Variants in PIK3CD observed in about 807,000 individuals in gnomAD.
PIK3CD encodes the protein phosphatidylinositol-4,5-bisphosphate 3-kinase catalytic subunit delta.
PIK3CD carries 20 observed loss-of-function variants against 122.9 expected under a neutral mutation model. The ratio of observed to expected loss-of-function variants is 0.16; its 90% confidence interval spans 0.11 to 0.24. The LOEUF is 0.24. Ranked by LOEUF, PIK3CD falls within the 10% of genes least tolerant of loss-of-function variation. PIK3CD has a pLI of 1.00. For synonymous variants in PIK3CD, 596 were observed against 593.4 expected (o/e 1.00, Z -0.06); for missense variants, 787 against 1,406.3 (o/e 0.56, Z 7.04).
rs1031495287 is a variant in PIK3CD at position 9,718,634 on chromosome 1, G to C, written c.1021-60G>C. 41 of 1,472,630 alleles carry C rather than the reference G, an allele frequency of 2.8e-5. No homozygotes were observed. The highest frequency in any genetic ancestry group is 1.7e-4 in the South Asian group (15 of 88,304). The allele number at this position is 1,472,630 out of a possible 1,614,324, so 91.2% of individuals were successfully genotyped here. On this transcript the variant is annotated intron_variant, in intron 8 of 23. Transcript: ENST00000377346. The surrounding 1 kb of genome is among the most constrained non-coding windows in gnomAD (Gnocchi z 7.2). ...TCAAGGGGGAGACTGACACCTTAAG[G>C]GGGAGGGGAGAGGGGCTGGGCCTCT...
At position 9,720,195 on chromosome 1, in the gene PIK3CD, C is replaced by T; in HGVS notation, c.1423C>T (p.Leu475=). ...TDSAAALLIC[L]PEVAPHPVYY... The stretch of plus-strand genomic sequence containing the variant: ...TAGCGCCGCTGCCCTGCTCATCTGC[C>T]TGCCCGAGGTGGCCCCGCACCCCGT... Residue 475 remains leucine (L), a synonymous_variant, in exon 11 of 24, where the codon CTG becomes TTG. Coordinates refer to ENST00000377346, the MANE Select transcript of PIK3CD (RefSeq NM_005026.5). The surrounding 1 kb of genome is among the most constrained non-coding windows in gnomAD (Gnocchi z 9.0). 1.9e-6 allele frequency: 3 copies of T among 1,611,910 alleles called. No individual in the cohort carries two copies. The highest frequency in any genetic ancestry group is 1.7e-6 in the Non-Finnish European group (2 of 1,179,084).
At position 9,717,567 on chromosome 1, in the gene PIK3CD, C is replaced by A; in HGVS notation, c.961C>A (p.Gln321Lys). The change falls in exon 8 of 24, where the codon CAG becomes AAG. Residue 321 changes from glutamine (Q) to lysine (K), a missense_variant. Around this residue, in one of 6 missense-constraint regions of PIK3CD, gnomAD observed 592 missense variants for 920.6 expected, o/e 0.64. Coordinates refer to ENST00000377346, the MANE Select transcript of PIK3CD (RefSeq NM_005026.5). The surrounding 1 kb of genome is among the most constrained non-coding windows in gnomAD (Gnocchi z 5.4). ...PSSVSLWSLE[Q>K]PFRIELIQGS... ...CTCTGTGTCCCTGTGGTCCCTGGAG[C>A]AGCCGTTCCGCATCGAGCTCATCCA... is the stretch of plus-strand genomic sequence containing the variant. 6.2e-7 allele frequency: 1 copy of A among 1,614,118 alleles called. No individual in the cohort carries two copies.
Position 9,720,119 on chromosome 1 carries a change from G to A in PIK3CD, c.1347G>A (p.Lys449=), listed in dbSNP as rs376093013. The change falls in exon 11 of 24, where the codon AAG becomes AAA. Residue 449 remains lysine (K), a synonymous_variant. Transcript: ENST00000377346. The surrounding 1 kb of genome is among the most constrained non-coding windows in gnomAD (Gnocchi z 9.0). ...ATCTGCCCCTGTGTTCAGATGAGAAGGGCGAGCTGCTGAACCCCACGGGCA... is the reference window on the plus strand; with the variant it reads ...ATCTGCCCCTGTGTTCAGATGAGAAAGGCGAGCTGCTGAACCCCACGGGCA... ...LYMWPSVPDE[K]GELLNPTGTV... is the part of the protein sequence containing the mutation. 9 of 1,613,184 alleles carry A rather than the reference G, an allele frequency of 5.6e-6. No individual in the cohort carries two copies. The highest frequency in any genetic ancestry group is 7.6e-6 in the Non-Finnish European group (9 of 1,180,024).
At chr1:9,656,135 C>T (rs1277685027) in intron 1 of PIK3CD, among the ~76,000 whole-genome samples, 5 of 151,784 alleles carry the variant, frequency 3.3e-5, no homozygotes, top group East Asian at 1.9e-4. Context: ...GAAGAGTGGG[C>T]GGTGCCAGGA....
At chr1:9,638,744 A>AAC in the PIK3CD span, among the ~76,000 whole-genome samples, 4 of 150,602 alleles carry the variant, frequency 2.7e-5, no homozygotes, top group Non-Finnish European at 1.5e-5. Context: ...AAAAAAAAAA[A>AAC]AAAAAACTTC....
In PIK3CD at chr1:9,689,370, T is replaced by G. The variant is rs1646098801; in HGVS notation, c.-137-2097T>G. ...GGGGAGGATTTGCAGCGTCCACTCC[T>G]CTCTCCGCCGCCCGTGTGAGCTCGG... On this transcript the variant is annotated intron_variant, in intron 1 of 23. Transcript: ENST00000377346. The surrounding 1 kb of genome is among the most constrained non-coding windows in gnomAD (Gnocchi z 6.1). Among the ~76,000 whole-genome samples the G allele has an allele frequency of 6.6e-6, 1 of 151,618 alleles. No individual in the cohort carries two copies. Among genetic ancestry groups the G allele is most frequent in the Non-Finnish European group, 1.5e-5 (1 of 67,862 alleles).
the PIK3CD span, among the ~76,000 whole-genome samples, chr1:9,636,406 C>T: frequency 1.3e-5 from 2 of 152,202 alleles, no homozygotes; most frequent in Admixed American, 6.5e-5. Context: ...GTTGGCCAGG[C>T]TGGTCTTGAA....
At chr1:9,639,229 A>C in the PIK3CD span, among the ~76,000 whole-genome samples, 1 of 151,632 alleles carries the variant, frequency 6.6e-6, no homozygotes, top group Non-Finnish European at 1.5e-5. Flanking sequence ...ATTCCTTCTC[A>C]TAGAGGATTT....
chr1:9,654,135 G>A, intron 1 of PIK3CD: 1 of 1,236,182 alleles, frequency 8.1e-7, no homozygotes, highest in Non-Finnish European at 1.1e-6. Flanking sequence ...CTCCTTCTGA[G>A]CCCCACTTCC....
chr1:9,709,566 G>A (rs1488170240), intron 2 of PIK3CD, among the ~76,000 whole-genome samples: 11 of 152,078 alleles, frequency 7.2e-5, no homozygotes, highest in Admixed American at 6.6e-4. Context: ...TTAGCCAGGT[G>A]TAGTGGTGTG....
rs749871179 is a variant in PIK3CD, at chr1:9,720,799, G to A, written c.1579G>A (p.Glu527Lys). The change falls in exon 13 of 24, where the codon GAG becomes AAG. Residue 527 changes from glutamate (E) to lysine (K), a missense_variant. Physicochemically the swap from Glu to Lys is moderately conservative, Grantham distance 56. Coordinates refer to ENST00000377346, the MANE Select transcript of PIK3CD (RefSeq NM_005026.5). This position sits in a 1 kb window ranked among gnomAD's most constrained non-coding sequence, Gnocchi z 9.0. ...RRGSGELYEH[E>K]KDLVWKLRHE... ...GGGGTCTGGGGAGCTGTATGAGCAC[G>A]AGAAGGACCTGGTGTGGAAGCTGCG... 3.1e-6 allele frequency: 5 copies of A among 1,613,142 alleles called. No homozygotes were observed. The highest frequency in any genetic ancestry group is 4.2e-6 in the Non-Finnish European group (5 of 1,179,822).
chr1:9,640,594 A>AG, the PIK3CD span, among the ~76,000 whole-genome samples: 47 of 152,094 alleles, frequency 3.1e-4, no homozygotes, highest in African/African-American at 1.1e-3. Context: ...AAAGAAAAAA[A>AG]AAAAGAAACG....
chr1:9,670,040 G>C (rs765328731), intron 1 of PIK3CD, among the ~76,000 whole-genome samples: 5 of 151,736 alleles, frequency 3.3e-5, no homozygotes, highest in Admixed American at 1.3e-4. Context: ...TGGGCGTGGT[G>C]GTGGGTGCCT....
In PIK3CD at chr1:9,728,343, T is replaced by C. The variant is rs1028790668; in HGVS notation, c.*1297T>C. The C allele has an allele frequency of 6.6e-6, 1 of 152,280 alleles. No individual in the cohort carries two copies. Among genetic ancestry groups the C allele is most frequent in the African/African-American group, 2.4e-5 (1 of 41,446 alleles). The allele number at this position is 152,280 out of a possible 1,614,324, so 9.4% of individuals were successfully genotyped here. On this transcript the variant is annotated 3_prime_UTR_variant, in exon 24 of 24. Transcript: ENST00000377346. ...TGAGCAGCTTTAGAAATGCAGGTTCTAGGGCTTCTCCCAGCCTTCAGAAGC... is the reference window on the plus strand; with the variant it reads ...TGAGCAGCTTTAGAAATGCAGGTTCCAGGGCTTCTCCCAGCCTTCAGAAGC...
chr1:9,630,707 AGTGTGTGTGTGTGTGT>A, the PIK3CD span, among the ~76,000 whole-genome samples: 2 of 147,548 alleles, frequency 1.4e-5, no homozygotes, highest in African/African-American at 5.1e-5. Context: ...AAAGAAAGTG[AGTGTGTGTGTGTGTGT>A]GTGTGTGTGT....
In PIK3CD at chr1:9,720,565, G is replaced by A; in HGVS notation, c.1471-46G>A. On this transcript the variant is annotated intron_variant, in intron 11 of 23. Transcript: ENST00000377346. The surrounding 1 kb of genome is among the most constrained non-coding windows in gnomAD (Gnocchi z 9.0). ...TGCCCGGCCTGGGGGTCCTGCCCGG[G>A]CTGGTCCAGGCCCCTGGGGACGCTG... 2 of 1,549,432 alleles carry A rather than the reference G, an allele frequency of 1.3e-6. No homozygotes were observed. Among genetic ancestry groups the A allele is most frequent in the Non-Finnish European group, 1.7e-6 (2 of 1,146,454 alleles).
At position 9,724,467 on chromosome 1, in the gene PIK3CD, C is replaced by G; in HGVS notation, c.2864+46C>G. ...CCAGATGCCCCTCGGTGTGGGGCCC[C>G]AGGGAACAGGGCAGAGGTTCCCAGG... On this transcript the variant is annotated intron_variant, in intron 22 of 23. Transcript: ENST00000377346. The surrounding 1 kb of genome is among the most constrained non-coding windows in gnomAD (Gnocchi z 7.3). The G allele has an allele frequency of 6.2e-7, 1 of 1,610,470 alleles. No individual in the cohort carries two copies. The highest frequency in any genetic ancestry group is 1.3e-5 in the African/African-American group (1 of 74,952).
Position 9,691,745 on chromosome 1 carries a change from G to A in PIK3CD, c.-33+174G>A, listed in dbSNP as rs556671582. On this transcript the variant is annotated intron_variant, in intron 2 of 23. Transcript: ENST00000377346. ...AGTGACCCAAATTGGTGCTAGGAGC[G>A]AATGAATGGGGAAGTGAACTAGACC... The A allele has an allele frequency of 2.3e-4, 89 of 384,972 alleles. 1 individual carries two copies. Among genetic ancestry groups the A allele is most frequent in the African/African-American group, 1.4e-3 (69 of 48,396 alleles). The allele number at this position is 384,972 out of a possible 1,614,324, so 23.8% of individuals were successfully genotyped here. A position where few individuals can be genotyped will look rare whatever the true frequency, so the allele number is the denominator to read the frequency against.
Position 9,697,573 on chromosome 1 carries a change from GT to G in PIK3CD, c.-33+6011del, listed in dbSNP as rs937180726. ...CATTATTATTTAAAAAAAAAAAAAA[GT>G]TTTTTTTTAATTAGCTGGGTATGTG... is the stretch of plus-strand genomic sequence containing the variant. On this transcript the variant is annotated intron_variant, in intron 2 of 23. Transcript: ENST00000377346. Among the ~76,000 whole-genome samples the G allele has an allele frequency of 4.7e-5, 7 of 149,692 alleles. No homozygotes were observed. The South Asian group carries it at 1.3e-3, about 27-fold the overall frequency.
Sources: allele counts gnomAD v4.1 joint callset (sites outside exome capture counted in the v4.1 genomes callset), GRCh38; gene constraint gnomAD v4.1.1; regional missense constraint gnomAD v4.1.1; non-coding constraint Gnocchi (gnomAD v3.1); transcripts MANE v1.5; gene names NCBI Gene and HGNC (gene_info 2026-07-23, HGNC 2026-07-21).